Variants in NIPAL2 observed in about 807,000 individuals in gnomAD.
The protein encoded by NIPAL2 is NIPA like domain containing 2.
NIPAL2 carries 43 observed loss-of-function variants against 48.9 expected under a neutral mutation model. That is an observed-to-expected ratio of 0.88 (90% confidence interval 0.69 to 1.13). The LOEUF (loss-of-function observed/expected upper bound fraction) is 1.13. Among genes scored for constraint, NIPAL2 ranks in the 50% most tolerant of loss-of-function variants. The pLI is 0.00. For synonymous variants in NIPAL2, 167 were observed against 174.6 expected (o/e 0.96, Z 0.34); for missense variants, 446 against 461.4 (o/e 0.97, Z 0.31).
chr8:98,230,945 A>C (rs1235459170), intron 4 of NIPAL2, among the ~76,000 whole-genome samples: 2 of 152,164 alleles, frequency 1.3e-5, no homozygotes, highest in African/African-American at 4.8e-5. Context: ...TGACTTCTGG[A>C]ATCTGGTCTG....
At chr8:98,293,397 G>C (rs1816594502) in intron 1 of NIPAL2, among the ~76,000 whole-genome samples, 1 of 152,160 alleles carries the variant, frequency 6.6e-6, no homozygotes, top group Admixed American at 6.5e-5. Context: ...AGTGTAAACT[G>C]GCGTTGTTTA....
At chr8:98,235,571 G>C (rs1586367501) in intron 4 of NIPAL2, among the ~76,000 whole-genome samples, 1 of 152,072 alleles carries the variant, frequency 6.6e-6, no homozygotes, top group African/African-American at 2.4e-5. Flanking sequence ...CCTTTGGAGT[G>C]TAATAGTCTA....
intron 8 of NIPAL2, among the ~76,000 whole-genome samples, chr8:98,201,363 G>GA (rs1810790472): frequency 6.6e-6 from 1 of 152,034 alleles, no homozygotes; most frequent in Admixed American, 6.6e-5. Flanking sequence ...GGTCCTCCTA[G>GA]AAAATCTTTA....
chr8:98,244,865 G>A (rs552125213), intron 3 of NIPAL2, among the ~76,000 whole-genome samples: 1 of 152,186 alleles, frequency 6.6e-6, no homozygotes, highest in South Asian at 2.1e-4. Context: ...GCCAACTCTG[G>A]TCTACAGGCA....
chr8:98,237,500 C>T (rs1353047887), intron 3 of NIPAL2, among the ~76,000 whole-genome samples: 1 of 152,060 alleles, frequency 6.6e-6, no homozygotes, highest in Non-Finnish European at 1.5e-5. Context: ...CATACCACCA[C>T]CAGAGTAATC....
At chr8:98,216,602 G>A (rs747814027) in intron 5 of NIPAL2, among the ~76,000 whole-genome samples, 7 of 152,148 alleles carry the variant, frequency 4.6e-5, no homozygotes, top group East Asian at 1.9e-4. Context: ...TTAATAATCC[G>A]GTTTAGGGTA....
intron 5 of NIPAL2, among the ~76,000 whole-genome samples, chr8:98,221,329 C>G (rs1409185399): frequency 6.6e-6 from 1 of 150,396 alleles, no homozygotes; most frequent in African/African-American, 2.4e-5. Flanking sequence ...GTGTGCTCCT[C>G]TCAGACAGTC....
chr8:98,280,108 C>T (rs528173975), intron 1 of NIPAL2, among the ~76,000 whole-genome samples: 15 of 152,250 alleles, frequency 9.9e-5, no homozygotes, highest in African/African-American at 3.4e-4. Context: ...CATTGTGGAG[C>T]GAAAGCAGTG....
At chr8:98,247,686 C>T (rs762883646) in intron 3 of NIPAL2, among the ~76,000 whole-genome samples, 4 of 152,084 alleles carry the variant, frequency 2.6e-5, no homozygotes, top group Admixed American at 1.3e-4. Flanking sequence ...ATTCACAAAA[C>T]GGCACCACAC....
intron 8 of NIPAL2, among the ~76,000 whole-genome samples, chr8:98,198,936 T>A (rs1489447739): frequency 6.6e-6 from 1 of 151,934 alleles, no homozygotes; most frequent in Non-Finnish European, 1.5e-5. Flanking sequence ...TTCAAAAAGT[T>A]TTTTTCTTTT....
At chr8:98,197,060 T>G (rs1487105575) in intron 8 of NIPAL2, among the ~76,000 whole-genome samples, 2 of 152,132 alleles carry the variant, frequency 1.3e-5, no homozygotes, top group African/African-American at 4.8e-5. Context: ...GCATTTCAAG[T>G]TGGTTCTACA....
intron 4 of NIPAL2, among the ~76,000 whole-genome samples, chr8:98,227,777 AT>A (rs569865956): frequency 7.2e-4 from 110 of 152,338 alleles, no homozygotes; most frequent in African/African-American, 2.6e-3. Flanking sequence ...ACTGGATCGC[AT>A]GCCCCTCAAG....
intron 1 of NIPAL2, among the ~76,000 whole-genome samples, chr8:98,289,115 C>T (rs895424021): frequency 1.3e-5 from 2 of 151,778 alleles, no homozygotes; most frequent in African/African-American, 4.8e-5. Flanking sequence ...TTAAGAAACC[C>T]TAAATACTAT....
chr8:98,201,615 A>T (rs1810805165), intron 8 of NIPAL2, among the ~76,000 whole-genome samples: 1 of 152,108 alleles, frequency 6.6e-6, no homozygotes, highest in Admixed American at 6.5e-5. Context: ...AAATCTTCCG[A>T]TCAGGGCAAC....
intron 2 of NIPAL2, 89 bp downstream of exon 2, chr8:98,253,930 C>A: frequency 1.4e-6 from 1 of 718,868 alleles, no homozygotes; most frequent in Admixed American, 2.9e-5. Context: ...AGAAAAGAGC[C>A]ACAAAGACAA....
At chr8:98,257,347 CTTTT>C (rs1162654230) in intron 1 of NIPAL2, among the ~76,000 whole-genome samples, 1 of 58,008 alleles carries the variant, frequency 1.7e-5, no homozygotes, top group East Asian at 3.6e-4. Flanking sequence ...TTCTTTCTTT[CTTTT>C]TTTTTTTTTT....
At chr8:98,198,579 C>T (rs1336587700) in intron 8 of NIPAL2, among the ~76,000 whole-genome samples, 1 of 152,210 alleles carries the variant, frequency 6.6e-6, no homozygotes, top group Non-Finnish European at 1.5e-5. Flanking sequence ...TTAGTGTAGC[C>T]ACCTTCATCA....
chr8:98,282,721 A>G lies in NIPAL2; in HGVS notation c.135+11282T>C, dbSNP rs775412916. Among the ~76,000 whole-genome samples, 6 of 152,168 alleles carry G rather than the reference A, an allele frequency of 3.9e-5. 1 individual carries two copies. Among genetic ancestry groups the G allele is most frequent in the Non-Finnish European group, 7.3e-5 (5 of 68,032 alleles). ...AGAAACAATATTCATAGCAGCAAAC[A>G]TTGGAGACAATCTGAACTACGGTAA... On this transcript the variant is annotated intron_variant, in intron 1 of 10. Transcript: ENST00000430223.
chr8:98,272,714 A>C (rs1815211727), intron 1 of NIPAL2, among the ~76,000 whole-genome samples: 3 of 151,678 alleles, frequency 2.0e-5, no homozygotes, highest in African/African-American at 7.3e-5. Flanking sequence ...TCCCGGGTTC[A>C]AACAATTCTC....
Sources: allele counts gnomAD v4.1 joint callset (sites outside exome capture counted in the v4.1 genomes callset), GRCh38; gene constraint gnomAD v4.1.1; transcripts MANE v1.5; gene names NCBI Gene and HGNC (gene_info 2026-07-23, HGNC 2026-07-21).